MAX: variants seen among roughly 807,000 people sequenced by gnomAD.
The protein encoded by MAX is protein max.
A neutral mutation model predicts 22.3 loss-of-function variants in MAX; 3 were observed. The ratio of observed to expected loss-of-function variants is 0.13; its 90% CI spans 0.06 to 0.35. MAX has a LOEUF of 0.35. Among genes scored for constraint, MAX ranks in the 10% least tolerant of loss-of-function variants. MAX has a pLI of 1.00. For missense variants in MAX, 119 were observed against 209.4 expected (o/e 0.57, Z 2.66); for synonymous variants, 72 against 77.7 (o/e 0.93, Z 0.39).
chr14:65,019,846 A>G (rs972558736), intron 3 of MAX, among the ~76,000 whole-genome samples: 3 of 152,258 alleles, frequency 2.0e-5, no homozygotes, highest in African/African-American at 7.2e-5. Flanking sequence ...TTAGTAAGAT[A>G]CAGATAAATC....
intron 3 of MAX, among the ~76,000 whole-genome samples, chr14:65,056,885 T>A (rs903160827): frequency 3.9e-5 from 6 of 152,202 alleles, no homozygotes; most frequent in Admixed American, 3.9e-4. Flanking sequence ...TTCTATAGAC[T>A]GAGAAATTCA....
intron 3 of MAX, among the ~76,000 whole-genome samples, chr14:65,043,825 T>A (rs2062408986): frequency 1.7e-5 from 1 of 59,544 alleles, no homozygotes. Context: ...CGAGACTCCG[T>A]CTCAAAAAAA....
rs936487523 is a variant in MAX, at chr14:65,077,872, A to G, written c.295+41T>C. 5 of 1,614,214 alleles carry G rather than the reference A, an allele frequency of 3.1e-6. No homozygotes were observed. The highest frequency in any genetic ancestry group is 4.2e-6 in the Non-Finnish European group (5 of 1,180,030). On this transcript the variant is annotated intron_variant, in intron 4 of 4. Coordinates refer to ENST00000358664, the MANE Select transcript of MAX (RefSeq NM_002382.5). The surrounding 1 kb of genome is among the most constrained non-coding windows in gnomAD (Gnocchi z 6.3). ...AGGTGCCAAAGCCTGACCTGGCTGG[A>G]GCACAGCAGGGCCAGCTGCCCCACG...
chr14:65,013,986 C>T (rs2061727719), intron 3 of MAX, among the ~76,000 whole-genome samples: 1 of 152,222 alleles, frequency 6.6e-6, no homozygotes. Flanking sequence ...GGGATTCAAA[C>T]TTAAGCTGCA....
chr14:65,060,693 G>A (rs1204648900), intron 3 of MAX, among the ~76,000 whole-genome samples: 4 of 38,396 alleles, frequency 1.0e-4, no homozygotes, highest in Admixed American at 7.1e-4. Context: ...GAGAGACTCC[G>A]TCTCAAAAAA....
At chr14:65,070,372 G>A (rs1418751222), downstream of MAX, among the ~76,000 whole-genome samples, 2 of 152,050 alleles carry the variant, frequency 1.3e-5, no homozygotes, top group African/African-American at 4.8e-5. This position sits in a 1 kb window ranked among gnomAD's most constrained non-coding sequence, Gnocchi z 4.4. Context: ...TTAATTTACT[G>A]GAAAAAATTA....
intron 3 of MAX, among the ~76,000 whole-genome samples, chr14:65,063,913 C>G (rs2062904963): frequency 6.6e-6 from 1 of 152,120 alleles, no homozygotes; most frequent in African/African-American, 2.4e-5. Context: ...ATGTAGCATT[C>G]AAGGTGGATG....
At chr14:65,040,981 A>G in intron 3 of MAX, 7 of 1,589,484 alleles carry the variant, frequency 4.4e-6, no homozygotes, top group Non-Finnish European at 6.0e-6. Context: ...GATTGTACTC[A>G]GACATGCAGG....
At chr14:65,085,978 G>T (rs1410836947) in intron 3 of MAX, among the ~76,000 whole-genome samples, 2 of 152,206 alleles carry the variant, frequency 1.3e-5, no homozygotes, top group Admixed American at 1.3e-4. Flanking sequence ...GGAACCTAGT[G>T]AGCAGTAATT....
Position 65,012,424 on chromosome 14 carries a change from T to G in MAX, c.172-6140A>C. The G allele has an allele frequency of 6.2e-7, 1 of 1,613,252 alleles. No homozygotes were observed. On this transcript the variant is annotated intron_variant, in intron 3 of 3. Coordinates refer to the MAX transcript ENST00000341653. This position sits in a 1 kb window ranked among gnomAD's most constrained non-coding sequence, Gnocchi z 5.0. ...TTACCCAGGAACTCTTGCTGTCAAATTATCCACCAAATCCTCCTCCTTTTT... is the reference window on the plus strand; with the variant it reads ...TTACCCAGGAACTCTTGCTGTCAAAGTATCCACCAAATCCTCCTCCTTTTT...
At chr14:65,016,297 C>T (rs955144330) in intron 3 of MAX, among the ~76,000 whole-genome samples, 1 of 152,174 alleles carries the variant, frequency 6.6e-6, no homozygotes, top group African/African-American at 2.4e-5. Context: ...AGATGGCATT[C>T]GTGATCTGGC....
Position 65,077,880 on chromosome 14 carries a change from AG to A in MAX, c.295+32del. 6.2e-7 allele frequency: 1 copy of A among 1,614,222 alleles called. No homozygotes were observed. ...AAGCCTGACCTGGCTGGAGCACAGC[AG>A]GGCCAGCTGCCCCACGAGCTCGGGT... is the stretch of plus-strand genomic sequence containing the variant. On this transcript the variant is annotated intron_variant, in intron 4 of 4. Transcript: ENST00000358664. This position sits in a 1 kb window ranked among gnomAD's most constrained non-coding sequence, Gnocchi z 6.3.
intron 3 of MAX, among the ~76,000 whole-genome samples, chr14:65,059,662 G>A (rs60053410): frequency 0.024 from 3,694 of 152,030 alleles, 129 homozygotes; most frequent in African/African-American, 0.084. Flanking sequence ...CCCACAGTGG[G>A]AGAATCCTGA....
chr14:65,091,583 C>G (rs568130593), intron 3 of MAX, among the ~76,000 whole-genome samples: 1 of 152,302 alleles, frequency 6.6e-6, no homozygotes, highest in African/African-American at 2.4e-5. Flanking sequence ...CCCTGCCTGG[C>G]CCAGGAATGC....
intron 3 of MAX, among the ~76,000 whole-genome samples, chr14:65,089,236 C>T (rs1173340544): frequency 2.6e-5 from 4 of 152,172 alleles, no homozygotes; most frequent in Non-Finnish European, 5.9e-5. Flanking sequence ...CCACAATTTA[C>T]TAACTGAGAA....
chr14:65,057,095 C>T (rs1481028948), intron 3 of MAX, among the ~76,000 whole-genome samples: 1 of 152,180 alleles, frequency 6.6e-6, no homozygotes, highest in East Asian at 1.9e-4. Flanking sequence ...CGCACTACTG[C>T]AAGAACAGCA....
In MAX at chr14:65,027,592, A is replaced by G; in HGVS notation, c.172-21308T>C. On this transcript the variant is annotated intron_variant, in intron 3 of 3. Transcript: ENST00000341653. The surrounding 1 kb of genome is among the most constrained non-coding windows in gnomAD (Gnocchi z 5.7). ...TGGCACCGAGGAGGCCTATGACATC[A>G]TTAACAGGTACAGTGAAAGCCAGCA... is the stretch of plus-strand genomic sequence containing the variant. The G allele has an allele frequency of 6.2e-7, 1 of 1,614,228 alleles. No individual in the cohort carries two copies.
intron 2 of MAX, chr14:65,094,352 C>A (rs181597943): frequency 2.4e-4 from 42 of 174,264 alleles, no homozygotes; most frequent in Middle Eastern, 2.9e-3. Context: ...CCAAATCATA[C>A]AACAGAAGCT....
rs781410094 is a variant in MAX, at chr14:65,061,192, C to T, written c.171+32516G>A. The T allele has an allele frequency of 9.9e-6, 16 of 1,614,000 alleles. No homozygotes were observed. In the East Asian group the frequency reaches 3.6e-4, roughly 36 times the overall value. The stretch of plus-strand genomic sequence containing the variant: ...TCTTCTCTTTGCAGCAGCCCACTCA[C>T]CCAGTGTACAACATTGGACCAGACA... On this transcript the variant is annotated intron_variant, in intron 3 of 3. Coordinates refer to the MAX transcript ENST00000341653.
Sources: gnomAD v4.1 joint callset for allele counts (sites outside exome capture counted in the v4.1 genomes callset) on GRCh38, gnomAD v4.1.1 for gene constraint, Gnocchi (gnomAD v3.1) non-coding constraint, MANE v1.5 for transcripts, NCBI Gene and HGNC (gene_info 2026-07-23, HGNC 2026-07-21) for gene names.